The following WDR26 variants were observed in gnomAD, a reference collection of about 807,000 sequenced individuals.
WDR26 encodes the protein WD repeat-containing protein 26.
A neutral mutation model predicts 84.1 loss-of-function variants in WDR26; 5 were observed. The ratio of observed to expected loss-of-function variants is 0.06; its 90% CI spans 0.03 to 0.13. The LOEUF (loss-of-function observed/expected upper bound fraction) is 0.13, where lower values mean the gene tolerates loss of function less well. WDR26 is among the 10% of genes least tolerant of loss of function. The pLI is 1.00. For synonymous variants in WDR26, 415 were observed against 389.6 expected (o/e 1.07, Z -0.77); for missense variants, 642 against 974.9 (o/e 0.66, Z 4.55).
Position 224,434,214 on chromosome 1 carries a change from G to GGAGGAGGAGGAGGACGAGGAC in WDR26, c.171_191dup (p.Ser61_Ser67dup). On this transcript the variant is annotated inframe_insertion, in exon 1 of 14. Coordinates refer to ENST00000414423, the MANE Select transcript of WDR26 (RefSeq NM_001379403.1). ...CCACCACTACCACCACGGAGGAGGA[G>GGAGGAGGAGGAGGACGAGGAC]GAGGAGGAGGAGGACGAGGACGACG... 1.4e-6 allele frequency: 2 copies of GGAGGAGGAGGAGGACGAGGAC among 1,398,144 alleles called. No individual in the cohort carries two copies. The highest frequency in any genetic ancestry group is 3.4e-5 in the South Asian group (2 of 59,022). 86.6% of individuals were successfully genotyped at this position (1,398,144 alleles called of 1,614,324 possible).
At chr1:224,420,771 T>C (rs1032556765) in intron 4 of WDR26, among the ~76,000 whole-genome samples, 1 of 152,170 alleles carries the variant, frequency 6.6e-6, no homozygotes, top group Non-Finnish European at 1.5e-5. Context: ...TGTGTTTTTT[T>C]GTATTTTTAG....
Position 224,434,232 on chromosome 1 carries a change from G to GAC in WDR26, c.173_174insGT (p.Ser60ArgfsTer12). On this transcript the variant is annotated frameshift_variant, in exon 1 of 14. Transcript: ENST00000414423. LOFTEE classifies it high-confidence loss of function. Reference sequence around the variant, plus strand: ...AGGAGGAGGAGGAGGAGGAGGACGAGGACGACGAGGACGGAGGGGAGAGGC... The same window carrying GAC: ...AGGAGGAGGAGGAGGAGGAGGACGAGACGACGACGAGGACGGAGGGGAGAGGC... 2 of 1,370,482 alleles carry GAC rather than the reference G, an allele frequency of 1.5e-6. No homozygotes were observed. Among genetic ancestry groups the GAC allele is most frequent in the Non-Finnish European group, 1.9e-6 (2 of 1,063,722 alleles). 84.9% of individuals were successfully genotyped at this position (1,370,482 alleles called of 1,614,324 possible). A position where few individuals can be genotyped will look rare whatever the true frequency, so the allele number is the denominator to read the frequency against.
Position 224,418,303 on chromosome 1 carries a change from T to C in WDR26, c.1276A>G (p.Asn426Asp). The stretch of plus-strand genomic sequence containing the variant: ...ATAAGCAGAGACACAGAATCTAGAT[T>C]ATTATCAAGTTTGGTATTGTGATAT... The change falls in exon 6 of 14, where the codon AAT becomes GAT. Residue 426 changes from asparagine (N) to aspartate (D), a missense_variant. By Grantham distance (23) the Asn-to-Asp change is conservative. Coordinates refer to ENST00000414423, the MANE Select transcript of WDR26 (RefSeq NM_001379403.1). The C allele has an allele frequency of 6.2e-7, 1 of 1,613,422 alleles. No individual in the cohort carries two copies.
intron 6 of WDR26, among the ~76,000 whole-genome samples, chr1:224,414,354 C>A (rs748787574): frequency 6.6e-6 from 1 of 152,146 alleles, no homozygotes; most frequent in African/African-American, 2.4e-5. Context: ...GATCTCCCCA[C>A]CTCGGCCTCC....
At chr1:224,425,460 A>G (rs151054159) in intron 3 of WDR26, among the ~76,000 whole-genome samples, 1 of 152,364 alleles carries the variant, frequency 6.6e-6, no homozygotes, top group Non-Finnish European at 1.5e-5. Context: ...CCCTAAACCA[A>G]TAAACCACTT....
In WDR26 at chr1:224,419,581, C is replaced by A. The variant is rs1015822328; in HGVS notation, c.1099G>T (p.Ala367Ser). The A allele has an allele frequency of 1.1e-5, 18 of 1,613,990 alleles. No individual in the cohort carries two copies. The highest frequency in any genetic ancestry group is 1.5e-5 in the Non-Finnish European group (18 of 1,179,916). The change falls in exon 5 of 14, where the codon GCA becomes TCA. Residue 367 changes from alanine to serine, a missense_variant. Ala to Ser is a moderately conservative substitution (Grantham distance 99). Around this residue, in one of 2 missense-constraint regions of WDR26, gnomAD observed 351 missense variants for 672.8 expected, o/e 0.52. Coordinates refer to ENST00000414423, the MANE Select transcript of WDR26 (RefSeq NM_001379403.1). Reference sequence around the variant, plus strand: ...CCTTTGCCTTCCCATTCTGCTTTTGCACGTAGGTCTTCTGCATGGCTACAC... The same window carrying A: ...CCTTTGCCTTCCCATTCTGCTTTTGAACGTAGGTCTTCTGCATGGCTACAC...
chr1:224,401,671 C>CATAAAAAAAAAAAAAAAAAAAAAAAAAAA (rs1673417012), intron 8 of WDR26, among the ~76,000 whole-genome samples: 1 of 49,642 alleles, frequency 2.0e-5, no homozygotes, highest in Non-Finnish European at 3.1e-5. Flanking sequence ...GAGACTGTCT[C>CATAAAAAAAAAAAAAAAAAAAAAAAAAAA]AAAAAAAAAA....
chr1:224,414,110 C>T (rs111737447), intron 6 of WDR26, among the ~76,000 whole-genome samples: 24,570 of 150,676 alleles, frequency 0.16, 2,264 homozygotes, highest in Non-Finnish European at 0.21. Context: ...CCACGCCCGG[C>T]CTGTTTTTTT....
At chr1:224,429,434 A>T (rs1674323070) in intron 3 of WDR26, 1 of 152,218 alleles carries the variant, frequency 6.6e-6, no homozygotes, top group South Asian at 2.1e-4. Context: ...ACGTTTAAAG[A>T]AACCCTAATA....
At chr1:224,410,228 C>T (rs1673696747) in intron 7 of WDR26, among the ~76,000 whole-genome samples, 1 of 146,178 alleles carries the variant, frequency 6.8e-6, no homozygotes. Flanking sequence ...TTGCAGTGAG[C>T]CAAGATCGCA....
At chr1:224,406,451 A>T (rs1229833504) in intron 7 of WDR26, among the ~76,000 whole-genome samples, 1 of 152,170 alleles carries the variant, frequency 6.6e-6, no homozygotes, top group African/African-American at 2.4e-5. Context: ...AAAGTTGGGA[A>T]CTAGTCTGAT....
At chr1:224,407,139 A>AT (rs1189132303) in intron 7 of WDR26, among the ~76,000 whole-genome samples, 20 of 38,398 alleles carry the variant, frequency 5.2e-4, no homozygotes, top group African/African-American at 1.2e-3. Flanking sequence ...AAAAAAAAAA[A>AT]AAAAAAAAAA....
Position 224,387,942 on chromosome 1 carries a change from T to C in WDR26, c.*1893A>G, listed in dbSNP as rs895004498. ...ATAAACTGTAACATATATTTTAACTTAGAAGTATCAAAACAGGAATTTTTT... is the reference window on the plus strand; with the variant it reads ...ATAAACTGTAACATATATTTTAACTCAGAAGTATCAAAACAGGAATTTTTT... On this transcript the variant is annotated 3_prime_UTR_variant, in exon 14 of 14. Transcript: ENST00000414423. 1 of 152,630 alleles carries C rather than the reference T, an allele frequency of 6.6e-6. No homozygotes were observed. The highest frequency in any genetic ancestry group is 1.5e-5 in the Non-Finnish European group (1 of 68,022). The allele number at this position is 152,630 out of a possible 1,614,324, so 9.5% of individuals were successfully genotyped here.
In WDR26 at chr1:224,388,424, G is replaced by A. The variant is rs923877721; in HGVS notation, c.*1411C>T. 2.2e-4 allele frequency: 34 copies of A among 152,132 alleles called. No homozygotes were observed. Among genetic ancestry groups the A allele is most frequent in the African/African-American group, 6.3e-4 (26 of 41,410 alleles). 9.4% of individuals were successfully genotyped at this position (152,132 alleles called of 1,614,324 possible). On this transcript the variant is annotated 3_prime_UTR_variant, in exon 14 of 14. Transcript: ENST00000414423. ...ATGTTATGTTGTATTCAGCTGTTACGGAGTTTAAAAGCACAATGTGAACAT... is the reference window on the plus strand; with the variant it reads ...ATGTTATGTTGTATTCAGCTGTTACAGAGTTTAAAAGCACAATGTGAACAT...
At chr1:224,427,384 A>T (rs1310993069) in intron 3 of WDR26, among the ~76,000 whole-genome samples, 4 of 152,096 alleles carry the variant, frequency 2.6e-5, no homozygotes, top group African/African-American at 4.8e-5. Flanking sequence ...CAATGTGTGC[A>T]GGGACAGTGC....
chr1:224,411,657 G>GTGAT, intron 6 of WDR26, 92 bp from the exon 7 acceptor site: 1 of 1,327,604 alleles, frequency 7.5e-7, no homozygotes, highest in South Asian at 1.6e-5. Context: ...CTTCTTTGAA[G>GTGAT]ATCACATCAC....
At chr1:224,417,402 TA>T (rs1403983214) in intron 6 of WDR26, among the ~76,000 whole-genome samples, 1 of 152,230 alleles carries the variant, frequency 6.6e-6, no homozygotes, top group Non-Finnish European at 1.5e-5. Flanking sequence ...TTCGATATCT[TA>T]AAATTAAAGC....
rs149995544 is a variant in WDR26, at chr1:224,415,453, C to CTTTTTTTTTTTTTTTTTTTTTTT, written c.1319+2784_1319+2806dup. Among the ~76,000 whole-genome samples, 7 of 82,350 alleles carry CTTTTTTTTTTTTTTTTTTTTTTT rather than the reference C, an allele frequency of 8.5e-5. 2 individuals carry two copies. The highest frequency in any genetic ancestry group is 3.4e-4 in the African/African-American group (7 of 20,588). The allele number at this position is 82,350 out of a possible 152,430, so 54.0% of individuals were successfully genotyped here. ...ACAATTCTGGAACACGTATTTCTTTCTTTTTTTTTTTTTTTTTTTTTTTTT... is the reference window on the plus strand; with the variant it reads ...ACAATTCTGGAACACGTATTTCTTTCTTTTTTTTTTTTTTTTTTTTTTTTTTTTTTTTTTTTTTTTTTTTTTTT... On this transcript the variant is annotated intron_variant, in intron 6 of 13. Transcript: ENST00000414423.
Position 224,388,823 on chromosome 1 carries a change from A to G in WDR26, c.*1012T>C, listed in dbSNP as rs1409473489. ...CACCAAAATTACTTCCTAAGTTGAGAACAACTTGGAACAAGCTTTACTGAA... is the reference window on the plus strand; with the variant it reads ...CACCAAAATTACTTCCTAAGTTGAGGACAACTTGGAACAAGCTTTACTGAA... On this transcript the variant is annotated 3_prime_UTR_variant, in exon 14 of 14. Transcript: ENST00000414423. The G allele has an allele frequency of 6.6e-6, 1 of 152,626 alleles. No individual in the cohort carries two copies. The highest frequency in any genetic ancestry group is 1.5e-5 in the Non-Finnish European group (1 of 68,030). 9.5% of individuals were successfully genotyped at this position (152,626 alleles called of 1,614,324 possible).
Sources: gnomAD v4.1 joint callset for allele counts (sites outside exome capture counted in the v4.1 genomes callset) on GRCh38, gnomAD v4.1.1 for gene constraint, gnomAD v4.1.1 regional missense constraint, MANE v1.5 for transcripts, NCBI Gene and HGNC (gene_info 2026-07-23, HGNC 2026-07-21) for gene names.